The following RAET1E variants were observed in gnomAD, a reference collection of about 807,000 sequenced individuals.
RAET1E encodes the protein retinoic acid early transcript 1E.
A neutral mutation model predicts 21.1 loss-of-function variants in RAET1E; 27 were observed. The observed-to-expected ratio is 1.28, with a 90% CI of 0.94 to 1.76. The LOEUF (loss-of-function observed/expected upper bound fraction) is 1.76, where lower values mean the gene tolerates loss of function less well. RAET1E is among the 40% of genes most tolerant of loss of function. The pLI is 0.00. For synonymous variants in RAET1E, 113 were observed against 115.0 expected, an observed-to-expected ratio of 0.98 and a Z score of 0.11; for missense variants, 310 against 311.3, an observed-to-expected ratio of 1.00 and a Z score of 0.03.
In RAET1E at chr6:149,885,330, G is replaced by A. The variant is rs1298093550; in HGVS notation, c.*3168C>T. Among the ~76,000 whole-genome samples the A allele has an allele frequency of 2.6e-5, 4 of 152,196 alleles. No individual in the cohort carries two copies. The highest frequency in any genetic ancestry group is 5.9e-5 in the Non-Finnish European group (4 of 68,040). On this transcript the variant is annotated 3_prime_UTR_variant, in exon 6 of 6. Transcript: ENST00000357183. ...CACTTGCAAAGCAGAGACAGTCCCC[G>A]AGACTCATTCAGCCTTTGCCTTTCT...
In RAET1E at chr6:149,886,020, G is replaced by A. The variant is rs1005210046; in HGVS notation, c.*2478C>T. Among the ~76,000 whole-genome samples, 1 of 152,178 alleles carries A rather than the reference G, an allele frequency of 6.6e-6. No individual in the cohort carries two copies. The highest frequency in any genetic ancestry group is 1.5e-5 in the Non-Finnish European group (1 of 68,036). On this transcript the variant is annotated 3_prime_UTR_variant, in exon 6 of 6. Coordinates refer to ENST00000357183, the MANE Select transcript of RAET1E (RefSeq NM_001394057.1). ...GGAGGTGACAGTTAAACTGGACTTG[G>A]ATAGCTGTCTGGAATTCGGTCAGGT... is the stretch of plus-strand genomic sequence containing the variant.
In RAET1E at chr6:149,890,123, G is replaced by C. The variant is rs755440940; in HGVS notation, c.108C>G (p.Asn36Lys). ...GTCTGGACAATGATTTTATAGTGAA[G>C]TTGAAGCAAAGAGAGTGACCACCTG... ...IMVGGHSLCF[N>K]FTIKSLSRPG... Residue 36 changes from asparagine (N) to lysine (K), a missense_variant, in exon 4 of 6, where the codon AAC becomes AAG. Asn to Lys is a moderately conservative substitution (Grantham distance 94, BLOSUM62 0). Coordinates refer to ENST00000357183, the MANE Select transcript of RAET1E (RefSeq NM_001394057.1). 13 of 1,614,058 alleles carry C rather than the reference G, an allele frequency of 8.1e-6. No homozygotes were observed. The African/African-American group carries it at 1.6e-4, about 20-fold the overall frequency.
At chr6:149,891,460 G>C (rs7756850) in intron 2 of RAET1E, among the ~76,000 whole-genome samples, 62,429 of 151,938 alleles carry the variant, frequency 0.41, 13,719 homozygotes, top group East Asian at 0.88. Flanking sequence ...CAGGCAGCAA[G>C]TGGTCTACCA....
chr6:149,890,192 C>T, intron 3 of RAET1E, 47 bp from the exon 4 acceptor site: 1 of 1,602,870 alleles, frequency 6.2e-7, no homozygotes, highest in Non-Finnish European at 8.5e-7. Flanking sequence ...GGAAGAGGCC[C>T]ATTAGAACCT....
chr6:149,889,307 T>A, intron 5 of RAET1E, 41 bp downstream of exon 5: 2 of 1,609,368 alleles, frequency 1.2e-6, no homozygotes, highest in Middle Eastern at 1.7e-4. Flanking sequence ...GCTTTTGACC[T>A]TTAAAGGGAG....
rs1582764431 is a variant in RAET1E at position 149,888,332 on chromosome 6, G to C, written c.*166C>G. On this transcript the variant is annotated 3_prime_UTR_variant, in exon 6 of 6. Coordinates refer to ENST00000357183, the MANE Select transcript of RAET1E (RefSeq NM_001394057.1). ...TTGACCTTGCCCCTCCTCGAGAGGAGATGATTGCTTCATCCCTCCTCTCAC... is the reference window on the plus strand; with the variant it reads ...TTGACCTTGCCCCTCCTCGAGAGGACATGATTGCTTCATCCCTCCTCTCAC... 1.2e-6 allele frequency: 1 copy of C among 857,874 alleles called. No homozygotes were observed. The highest frequency in any genetic ancestry group is 2.2e-5 in the Admixed American group (1 of 46,248). 53.1% of individuals were successfully genotyped at this position (857,874 alleles called of 1,614,324 possible).
At chr6:149,890,765 C>A in intron 3 of RAET1E, 52 bp downstream of exon 3, 1 of 1,325,716 alleles carries the variant, frequency 7.5e-7, no homozygotes, top group South Asian at 1.2e-5. Flanking sequence ...CTACCCCCTA[C>A]CTTTCTCCCT....
intron 2 of RAET1E, among the ~76,000 whole-genome samples, chr6:149,895,325 C>T (rs972669432): frequency 3.3e-5 from 5 of 152,220 alleles, no homozygotes; most frequent in African/African-American, 7.2e-5. Context: ...AGCCATCAGG[C>T]GGGGACATTT....
Position 149,890,954 on chromosome 6 carries a change from G to A in RAET1E, c.-53C>T, listed in dbSNP as rs139080478. 3.9e-4 allele frequency: 489 copies of A among 1,269,650 alleles called. 1 individual carries two copies. In the African/African-American group the frequency reaches 6.5e-3, roughly 17 times the overall value. 78.6% of individuals were successfully genotyped at this position (1,269,650 alleles called of 1,614,324 possible). On this transcript the variant is annotated 5_prime_UTR_variant, in exon 3 of 6. Transcript: ENST00000357183. Reference sequence around the variant, plus strand: ...GGGCGTGTACACATTCACCCTCACTGGTATGGTGAAGAAATGTTATCCAAC... The same window carrying A: ...GGGCGTGTACACATTCACCCTCACTAGTATGGTGAAGAAATGTTATCCAAC...
chr6:149,896,187 A>G (rs1778106710), intron 1 of RAET1E, 155 bp from the exon 2 acceptor site: 1 of 152,228 alleles, frequency 6.6e-6, no homozygotes. Context: ...TGTCAGACCC[A>G]GAGGGTGACA....
At chr6:149,897,154 T>C (rs1778146254) in intron 1 of RAET1E, among the ~76,000 whole-genome samples, 1 of 152,186 alleles carries the variant, frequency 6.6e-6, no homozygotes, top group African/African-American at 2.4e-5. Flanking sequence ...CACTTCAGCC[T>C]CCAGAATAGC....
At chr6:149,896,644 T>TTGTGTG (rs56944213) in intron 1 of RAET1E, among the ~76,000 whole-genome samples, 57 of 148,782 alleles carry the variant, frequency 3.8e-4, no homozygotes, top group African/African-American at 1.2e-3. Flanking sequence ...ATGTGTGTGT[T>TTGTGTG]TGTGTGTGTG....
rs1777517658 is a variant in RAET1E at position 149,884,366 on chromosome 6, C to T, written c.*4132G>A. ...TTGCCAAGACTGGAATGCAGAGGCGCGATCTCCGCTCATTGCAGGCTCCGC... is the reference window on the plus strand; with the variant it reads ...TTGCCAAGACTGGAATGCAGAGGCGTGATCTCCGCTCATTGCAGGCTCCGC... On this transcript the variant is annotated 3_prime_UTR_variant, in exon 6 of 6. Coordinates refer to ENST00000357183, the MANE Select transcript of RAET1E (RefSeq NM_001394057.1). The T allele has an allele frequency of 2.2e-6, 2 of 926,812 alleles. No homozygotes were observed. The highest frequency in any genetic ancestry group is 3.3e-6 in the Non-Finnish European group (2 of 599,184). 57.4% of individuals were successfully genotyped at this position (926,812 alleles called of 1,614,324 possible).
chr6:149,896,345 G>A (rs1778112383), intron 1 of RAET1E: 2 of 152,358 alleles, frequency 1.3e-5, no homozygotes, highest in South Asian at 4.1e-4. Flanking sequence ...TGGGGGATAA[G>A]GGGTTGTCTG....
At position 149,886,690 on chromosome 6, in the gene RAET1E, C is replaced by T. The variant is rs1371001644; in HGVS notation, c.*1808G>A. On this transcript the variant is annotated 3_prime_UTR_variant, in exon 6 of 6. Coordinates refer to ENST00000357183, the MANE Select transcript of RAET1E (RefSeq NM_001394057.1). ...GATTACAGGAGTGAGCTATCACGCC[C>T]AGATGAGATTTATTTTATGATCCAA... Among the ~76,000 whole-genome samples, 1 of 152,184 alleles carries T rather than the reference C, an allele frequency of 6.6e-6. No homozygotes were observed. Among genetic ancestry groups the T allele is most frequent in the Non-Finnish European group, 1.5e-5 (1 of 68,042 alleles).
At chr6:149,897,282 C>G (rs1034787299) in intron 1 of RAET1E, among the ~76,000 whole-genome samples, 1 of 152,046 alleles carries the variant, frequency 6.6e-6, no homozygotes, top group Non-Finnish European at 1.5e-5. Flanking sequence ...CAATCCTCCC[C>G]CCTCAGCCTC....
rs1395154220 is a variant in RAET1E at position 149,886,601 on chromosome 6, G to T, written c.*1897C>A. Among the ~76,000 whole-genome samples, 4 of 152,170 alleles carry T rather than the reference G, an allele frequency of 2.6e-5. No homozygotes were observed. Among genetic ancestry groups the T allele is most frequent in the Non-Finnish European group, 4.4e-5 (3 of 68,026 alleles). Reference sequence around the variant, plus strand: ...GTAGAGACAGGGTTTCGCCATGTTGGCCAGGCTGGTCTCGAACTCCTGACC... The same window carrying T: ...GTAGAGACAGGGTTTCGCCATGTTGTCCAGGCTGGTCTCGAACTCCTGACC... On this transcript the variant is annotated 3_prime_UTR_variant, in exon 6 of 6. Coordinates refer to ENST00000357183, the MANE Select transcript of RAET1E (RefSeq NM_001394057.1).
At chr6:149,890,175 G>A in intron 3 of RAET1E, 30 bp from the exon 4 acceptor site, 1 of 1,610,942 alleles carries the variant, frequency 6.2e-7, no homozygotes, top group Non-Finnish European at 8.5e-7. Flanking sequence ...GTGAGGTCCA[G>A]GACAGGGGAA....
intron 3 of RAET1E, 62 bp from the exon 4 acceptor site, chr6:149,890,207 T>G: frequency 3.2e-6 from 5 of 1,575,874 alleles, no homozygotes; most frequent in Non-Finnish European, 4.3e-6. Flanking sequence ...GAACCTGCGC[T>G]TCTGTGACCC....
Sources: allele counts gnomAD v4.1 joint callset (sites outside exome capture counted in the v4.1 genomes callset), GRCh38; gene constraint gnomAD v4.1.1; transcripts MANE v1.5; gene names NCBI Gene and HGNC (gene_info 2026-07-23, HGNC 2026-07-21).